The following MPP7 variants were observed in gnomAD, a reference collection of about 807,000 sequenced individuals.
MPP7 encodes MAGUK p55 scaffold protein 7.
Under a neutral mutation model 76.5 loss-of-function variants are expected in MPP7, and 60 were observed. The observed-to-expected ratio is 0.78, with a 90% CI of 0.64 to 0.97. The LOEUF is 0.97. Among genes scored for constraint, MPP7 ranks in the 50% least tolerant of loss-of-function variants. The pLI, the probability that MPP7 is intolerant of heterozygous loss-of-function variation, is 0.00. For missense variants in MPP7, 641 were observed against 694.0 expected, an observed-to-expected ratio of 0.92 and a Z score of 0.86; for synonymous variants, 237 against 244.5, an observed-to-expected ratio of 0.97 and a Z score of 0.29.
At chr10:28,080,830 T>C (rs141015923) in intron 12 of MPP7, among the ~76,000 whole-genome samples, 61 of 152,352 alleles carry the variant, frequency 4.0e-4, no homozygotes, top group African/African-American at 1.4e-3. Flanking sequence ...CTTTCAGTTT[T>C]ACAGTTATCT....
intron 13 of MPP7, among the ~76,000 whole-genome samples, chr10:28,066,194 C>T (rs1359101831): frequency 1.3e-5 from 2 of 152,076 alleles, no homozygotes; most frequent in Non-Finnish European, 2.9e-5. Flanking sequence ...TAGTGAGACT[C>T]CATCTCTACA....
At chr10:28,271,748 G>A (rs1234858574) in intron 1 of MPP7, among the ~76,000 whole-genome samples, 4 of 152,176 alleles carry the variant, frequency 2.6e-5, no homozygotes, top group East Asian at 1.9e-4. Context: ...GGCTGAAGCA[G>A]GTGGATCACG....
At chr10:28,156,022 CA>C (rs1836050522) in intron 3 of MPP7, among the ~76,000 whole-genome samples, 1 of 151,976 alleles carries the variant, frequency 6.6e-6, no homozygotes, top group African/African-American at 2.4e-5. Context: ...CTGTTATCTC[CA>C]TAGAGAAAAG....
At chr10:28,328,532 T>G (rs1214658876) in intron 2 of MPP7, among the ~76,000 whole-genome samples, 4 of 151,736 alleles carry the variant, frequency 2.6e-5, no homozygotes, top group African/African-American at 9.7e-5. Context: ...AGGAAAAAAG[T>G]GCTTCTGTCT....
intron 6 of MPP7, among the ~76,000 whole-genome samples, chr10:28,128,389 T>C (rs1251209982): frequency 1.3e-5 from 2 of 152,200 alleles, no homozygotes; most frequent in Non-Finnish European, 2.9e-5. Flanking sequence ...GGAGCTCATG[T>C]CTGCACTCAA....
intron 3 of MPP7, among the ~76,000 whole-genome samples, chr10:28,158,428 G>A (rs1021474486): frequency 2.6e-5 from 4 of 152,262 alleles, no homozygotes; most frequent in South Asian, 2.1e-4. Context: ...GGGGACAGCC[G>A]GCAGGGGGGC....
chr10:28,200,583 C>A (rs984500231), intron 3 of MPP7, among the ~76,000 whole-genome samples: 2 of 152,128 alleles, frequency 1.3e-5, no homozygotes, highest in Non-Finnish European at 2.9e-5. Flanking sequence ...TAGTTTCATT[C>A]TTTTAATAGA....
intron 1 of MPP7, among the ~76,000 whole-genome samples, chr10:28,332,083 G>A (rs777244486): frequency 6.6e-6 from 1 of 152,092 alleles, no homozygotes; most frequent in Non-Finnish European, 1.5e-5. Context: ...TACTGGTGTG[G>A]GTTATTCCTT....
intron 2 of MPP7, among the ~76,000 whole-genome samples, chr10:28,217,526 CA>C (rs773506497): frequency 4.5e-3 from 266 of 58,944 alleles, no homozygotes; most frequent in African/African-American, 0.013. Flanking sequence ...GACTCTGTCT[CA>C]AAAAAAAAAA....
chr10:28,255,114 A>C (rs564743653), intron 1 of MPP7, among the ~76,000 whole-genome samples: 5 of 152,340 alleles, frequency 3.3e-5, no homozygotes, highest in African/African-American at 1.2e-4. Flanking sequence ...TTGAAAAAAC[A>C]AATGTAAAGA....
At chr10:28,067,014 C>T (rs28522164) in intron 13 of MPP7, among the ~76,000 whole-genome samples, 15,013 of 152,134 alleles carry the variant, frequency 0.099, 966 homozygotes, top group Non-Finnish European at 0.15. Context: ...TAGCTCAGTA[C>T]GTGTCTTTTG....
chr10:28,320,458 G>A (rs1834358435), intron 2 of MPP7, among the ~76,000 whole-genome samples: 1 of 151,262 alleles, frequency 6.6e-6, no homozygotes, highest in Non-Finnish European at 1.5e-5. Flanking sequence ...TAATCTTATA[G>A]GGGAAAAAAG....
chr10:28,082,499 G>A (rs942042802), intron 12 of MPP7, among the ~76,000 whole-genome samples: 2 of 151,248 alleles, frequency 1.3e-5, no homozygotes, highest in Non-Finnish European at 2.9e-5. Flanking sequence ...CTGTTGCCCA[G>A]CCCAGAATGT....
intron 1 of MPP7, among the ~76,000 whole-genome samples, chr10:28,270,071 C>G (rs959192492): frequency 1.3e-5 from 2 of 152,168 alleles, no homozygotes; most frequent in East Asian, 3.9e-4. Flanking sequence ...TTCCCAAGAC[C>G]GCATTACGGC....
At chr10:28,094,958 A>T (rs944434204) in intron 11 of MPP7, among the ~76,000 whole-genome samples, 1 of 152,044 alleles carries the variant, frequency 6.6e-6, no homozygotes, top group Non-Finnish European at 1.5e-5. Flanking sequence ...TTATCTCTAA[A>T]TAAATAAATA....
At chr10:28,273,520 A>G (rs1413175304) in intron 1 of MPP7, among the ~76,000 whole-genome samples, 1 of 152,228 alleles carries the variant, frequency 6.6e-6, no homozygotes, top group Non-Finnish European at 1.5e-5. Context: ...CTCCTACAGA[A>G]GAGTTACCTC....
chr10:28,200,649 C>T (rs994666588), intron 3 of MPP7, among the ~76,000 whole-genome samples: 3 of 152,190 alleles, frequency 2.0e-5, no homozygotes. Context: ...CGATAATTAA[C>T]TTTTTCCTCA....
At chr10:28,148,084 T>G (rs1005360959) in intron 4 of MPP7, among the ~76,000 whole-genome samples, 13 of 152,178 alleles carry the variant, frequency 8.5e-5, no homozygotes, top group Admixed American at 1.3e-4. Context: ...AAACTTTTAT[T>G]ATGTTTACCT....
intron 2 of MPP7, among the ~76,000 whole-genome samples, chr10:28,227,764 A>G (rs1488657612): frequency 1.3e-5 from 2 of 152,204 alleles, no homozygotes; most frequent in Non-Finnish European, 2.9e-5. Context: ...TACTGTGAAT[A>G]ATGCTGTAAT....
Sources: allele counts gnomAD v4.1 joint callset (sites outside exome capture counted in the v4.1 genomes callset), GRCh38; gene constraint gnomAD v4.1.1; transcripts MANE v1.5; gene names NCBI Gene and HGNC (gene_info 2026-07-23, HGNC 2026-07-21).